UMAD1: variants seen among roughly 807,000 people sequenced by gnomAD.
The protein encoded by UMAD1 is UBAP1-MVB12-associated (UMA)-domain containing protein 1.
Under a neutral mutation model 6.1 loss-of-function variants are expected in UMAD1, and 8 were observed. The ratio of observed to expected loss-of-function variants is 1.30; its 90% CI spans 0.76 to 2.35. UMAD1 has a LOEUF of 2.35. UMAD1 is among the 30% of genes most tolerant of loss of function. The pLI, the probability that UMAD1 is intolerant of heterozygous loss-of-function variation, is 0.00. For synonymous variants in UMAD1, 56 were observed against 31.4 expected (o/e 1.78, Z -2.61); for missense variants, 130 against 78.4 (o/e 1.66, Z -2.49).
intron 2 of UMAD1, among the ~76,000 whole-genome samples, chr7:7,749,594 A>T (rs915608952): frequency 3.3e-5 from 5 of 152,186 alleles, no homozygotes; most frequent in Non-Finnish European, 7.4e-5. Context: ...GTGAGAAATT[A>T]TGTGAATTCC....
At chr7:7,835,430 TTTCA>T (rs1319132963) in intron 3 of UMAD1, among the ~76,000 whole-genome samples, 1 of 147,026 alleles carries the variant, frequency 6.8e-6, no homozygotes. Flanking sequence ...GCTCTGTGAT[TTTCA>T]TTCATTCATT....
intron 3 of UMAD1, among the ~76,000 whole-genome samples, chr7:7,854,120 C>T (rs1321918865): frequency 6.6e-6 from 1 of 151,910 alleles, no homozygotes; most frequent in South Asian, 2.1e-4. Flanking sequence ...CTTTGGGAGG[C>T]CAAGGCAAGC....
chr7:7,762,134 C>T (rs1439110881), intron 2 of UMAD1, among the ~76,000 whole-genome samples: 1 of 152,182 alleles, frequency 6.6e-6, no homozygotes, highest in African/African-American at 2.4e-5. Context: ...GTAGGTCACT[C>T]TTCCTTGGGG....
At chr7:7,872,191 C>T (rs1375875806) in intron 3 of UMAD1, among the ~76,000 whole-genome samples, 1 of 152,134 alleles carries the variant, frequency 6.6e-6, no homozygotes, top group Non-Finnish European at 1.5e-5. Context: ...TTCAGTTCTA[C>T]ATCACTGCAG....
chr7:7,684,846 G>C (rs540856701), intron 2 of UMAD1, among the ~76,000 whole-genome samples: 19 of 152,254 alleles, frequency 1.2e-4, no homozygotes, highest in South Asian at 4.1e-4. Context: ...CAACTATTTG[G>C]GGGTAGTTGA....
intron 3 of UMAD1, among the ~76,000 whole-genome samples, chr7:7,835,879 A>G (rs943343045): frequency 3.3e-5 from 5 of 151,868 alleles, no homozygotes; most frequent in South Asian, 2.1e-4. Context: ...TTTCTTCTCA[A>G]TTGGTTTGGA....
intron 2 of UMAD1, among the ~76,000 whole-genome samples, chr7:7,712,551 A>G (rs1021159603): frequency 6.6e-6 from 1 of 152,188 alleles, no homozygotes; most frequent in East Asian, 1.9e-4. Context: ...AACCATCTTG[A>G]TAAAATATTT....
At chr7:7,739,724 C>T (rs999061554) in intron 2 of UMAD1, among the ~76,000 whole-genome samples, 2 of 152,128 alleles carry the variant, frequency 1.3e-5, no homozygotes, top group Non-Finnish European at 2.9e-5. Flanking sequence ...TAAGTTTATA[C>T]TAATCGAGTT....
intron 2 of UMAD1, among the ~76,000 whole-genome samples, chr7:7,677,353 C>A (rs1779767543): frequency 6.6e-6 from 1 of 152,066 alleles, no homozygotes; most frequent in South Asian, 2.1e-4. Flanking sequence ...TTCCTTCTAT[C>A]TAACTGTATT....
At chr7:7,837,992 C>T (rs966297862) in intron 3 of UMAD1, among the ~76,000 whole-genome samples, 3 of 152,038 alleles carry the variant, frequency 2.0e-5, no homozygotes, top group African/African-American at 7.2e-5. Flanking sequence ...AAATATGACA[C>T]TTCTAATGTT....
intron 1 of UMAD1, among the ~76,000 whole-genome samples, chr7:7,642,167 C>G (rs3779374): frequency 0.53 from 81,007 of 151,974 alleles, 23,536 homozygotes; most frequent in African/African-American, 0.77. Context: ...CAAGATCTCT[C>G]TCTGTCACCC....
At chr7:7,833,371 T>G (rs1783501078) in intron 3 of UMAD1, among the ~76,000 whole-genome samples, 1 of 152,136 alleles carries the variant, frequency 6.6e-6, no homozygotes, top group African/African-American at 2.4e-5. Context: ...GGTGTTAGTA[T>G]TTCTTGATAT....
chr7:7,739,345 T>C (rs1393741989), intron 2 of UMAD1, among the ~76,000 whole-genome samples: 1 of 152,216 alleles, frequency 6.6e-6, no homozygotes, highest in Non-Finnish European at 1.5e-5. Flanking sequence ...AGTAAGTTAC[T>C]GTAGCCTTAG....
intron 1 of UMAD1, among the ~76,000 whole-genome samples, chr7:7,651,197 A>G (rs138863662): frequency 1.3e-5 from 2 of 152,362 alleles, no homozygotes; most frequent in African/African-American, 4.8e-5. Flanking sequence ...AAAGATTTCA[A>G]AAATTACATA....
intron 3 of UMAD1, among the ~76,000 whole-genome samples, chr7:7,826,573 A>G (rs190051879): frequency 6.6e-6 from 1 of 152,268 alleles, no homozygotes; most frequent in East Asian, 1.9e-4. Flanking sequence ...TTTCACCTGG[A>G]TAGCTGGTCT....
intron 2 of UMAD1, among the ~76,000 whole-genome samples, chr7:7,720,250 A>C (rs914397377): frequency 6.6e-6 from 1 of 152,212 alleles, no homozygotes; most frequent in Non-Finnish European, 1.5e-5. Context: ...GTCACAAACT[A>C]TACATCTCTG....
chr7:7,713,325 C>T (rs933611027), intron 2 of UMAD1, among the ~76,000 whole-genome samples: 1 of 151,904 alleles, frequency 6.6e-6, no homozygotes, highest in Non-Finnish European at 1.5e-5. Context: ...GCCTGGGTGA[C>T]AGAGTGAGAC....
At chr7:7,857,074 G>C (rs73057784) in intron 3 of UMAD1, among the ~76,000 whole-genome samples, 24,115 of 152,112 alleles carry the variant, frequency 0.16, 2,724 homozygotes, top group Non-Finnish European at 0.22. Context: ...TTCGGTTTTT[G>C]TTTAGGTTTT....
chr7:7,767,108 G>A (rs1003986533), intron 2 of UMAD1, among the ~76,000 whole-genome samples: 1 of 145,364 alleles, frequency 6.9e-6, no homozygotes, highest in African/African-American at 2.5e-5. Flanking sequence ...TGAATAGTGA[G>A]CATTTCAAGA....
Sources: gnomAD v4.1 joint callset for allele counts (sites outside exome capture counted in the v4.1 genomes callset) on GRCh38, gnomAD v4.1.1 for gene constraint, MANE v1.5 for transcripts, NCBI Gene and HGNC (gene_info 2026-07-23, HGNC 2026-07-21) for gene names.